Variants in ADCY9 observed in about 807,000 individuals in gnomAD.
ADCY9 encodes the protein adenylate cyclase type 9.
Under a neutral mutation model 101.5 loss-of-function variants are expected in ADCY9, and 50 were observed. The ratio of observed to expected loss-of-function variants is 0.49; its 90% CI spans 0.39 to 0.62. The LOEUF (loss-of-function observed/expected upper bound fraction) is 0.62. Ranked by LOEUF, ADCY9 falls within the 20% of genes least tolerant of loss-of-function variation. The pLI is 0.00. For synonymous variants in ADCY9, 905 were observed against 769.3 expected, an observed-to-expected ratio of 1.18 and a Z score of -2.92; for missense variants, 1,662 against 1,800.4, an observed-to-expected ratio of 0.92 and a Z score of 1.39.
Position 3,992,031 on chromosome 16 carries a change from A to C in ADCY9, c.2207+115T>G. ...GGCTGCAGTGAGCCAAGATCGCGCC[A>C]CTGCACTGCAGCCTGGATGACAGAG... is the stretch of plus-strand genomic sequence containing the variant. On this transcript the variant is annotated intron_variant, in intron 5 of 10. Coordinates refer to ENST00000294016, the MANE Select transcript of ADCY9 (RefSeq NM_001116.4). This position sits in a 1 kb window ranked among gnomAD's most constrained non-coding sequence, Gnocchi z 4.2. 9.9e-7 allele frequency: 1 copy of C among 1,010,956 alleles called. No homozygotes were observed. The highest frequency in any genetic ancestry group is 1.5e-6 in the Non-Finnish European group (1 of 687,700). The allele number at this position is 1,010,956 out of a possible 1,614,324, so 62.6% of individuals were successfully genotyped here. A position where few individuals can be genotyped will look rare whatever the true frequency, so the allele number is the denominator to read the frequency against.
At chr16:4,001,613 A>G (rs1294868407) in intron 3 of ADCY9, among the ~76,000 whole-genome samples, 1 of 152,048 alleles carries the variant, frequency 6.6e-6, no homozygotes, top group Non-Finnish European at 1.5e-5. Flanking sequence ...CAATGGTGCA[A>G]TCTTGGCTCA....
chr16:4,045,996 C>T (rs1165043103), intron 2 of ADCY9, among the ~76,000 whole-genome samples: 1 of 151,550 alleles, frequency 6.6e-6, no homozygotes, highest in East Asian at 1.9e-4. Flanking sequence ...AGTTGCATAC[C>T]ACCACACCTG....
intron 2 of ADCY9, among the ~76,000 whole-genome samples, chr16:4,076,660 TAGAC>T (rs3216335): frequency 0.33 from 50,225 of 151,738 alleles, 8,708 homozygotes; most frequent in East Asian, 0.51. Context: ...CGCTAGAAGA[TAGAC>T]GCACTGACAA....
At chr16:4,065,849 G>A (rs991702134) in intron 2 of ADCY9, among the ~76,000 whole-genome samples, 9 of 152,080 alleles carry the variant, frequency 5.9e-5, no homozygotes, top group African/African-American at 1.9e-4. Context: ...GATTACAGGC[G>A]CCCACTGCCA....
At chr16:3,983,150 C>G (rs2056158833) in intron 7 of ADCY9, 82 bp downstream of exon 7, 1 of 1,335,310 alleles carries the variant, frequency 7.5e-7, no homozygotes, top group South Asian at 1.4e-5. Context: ...GGGGACCAGT[C>G]CAACCGCTCA....
intron 2 of ADCY9, among the ~76,000 whole-genome samples, chr16:4,107,832 A>G (rs2057087704): frequency 6.6e-6 from 1 of 152,098 alleles, no homozygotes; most frequent in Admixed American, 6.6e-5. Context: ...GCAGAGGCTA[A>G]CGCATACAGA....
chr16:3,966,759 G>T lies in ADCY9; in HGVS notation c.3078C>A (p.Asp1026Glu). ...TGTTCCTCAGCAGCCAGTCTGCCTG[G>T]TCCCGCATGCTCTGGATCTTGGTGC... ...LHRTKIQSMR[D>E]QADWLLRNII... The change falls in exon 11 of 11, where the codon GAC (aspartate) becomes GAA (glutamate). Residue 1026 changes from aspartate (D) to glutamate (E), a missense_variant. Around this residue, in one of 5 missense-constraint regions of ADCY9, gnomAD observed 220 missense variants for 312.9 expected, o/e 0.70. Coordinates refer to ENST00000294016, the MANE Select transcript of ADCY9 (RefSeq NM_001116.4). 6.2e-7 allele frequency: 1 copy of T among 1,614,208 alleles called. No individual in the cohort carries two copies. The highest frequency in any genetic ancestry group is 8.5e-7 in the Non-Finnish European group (1 of 1,180,038).
intron 10 of ADCY9, among the ~76,000 whole-genome samples, chr16:3,967,969 G>A (rs1456727805): frequency 6.6e-6 from 1 of 152,110 alleles, no homozygotes; most frequent in Admixed American, 6.6e-5. Flanking sequence ...GGGATTACAG[G>A]TGTGAGCCAC....
At chr16:4,105,878 C>T (rs1253563988) in intron 2 of ADCY9, among the ~76,000 whole-genome samples, 3 of 152,008 alleles carry the variant, frequency 2.0e-5, no homozygotes, top group African/African-American at 7.3e-5. Context: ...ACAGAAACAA[C>T]AATTTCTACT....
At chr16:4,090,857 G>A (rs966063302) in intron 2 of ADCY9, among the ~76,000 whole-genome samples, 2 of 151,838 alleles carry the variant, frequency 1.3e-5, no homozygotes, top group Non-Finnish European at 2.9e-5. Flanking sequence ...TATAAAAAGA[G>A]TCTCTAGGCT....
chr16:4,083,388 G>A (rs1427420588), intron 2 of ADCY9, among the ~76,000 whole-genome samples: 1 of 152,066 alleles, frequency 6.6e-6, no homozygotes, highest in African/African-American at 2.4e-5. Flanking sequence ...GGGGAAATCA[G>A]GGCCCGCACA....
At chr16:3,958,061 G>C (rs79077611), downstream of ADCY9, among the ~76,000 whole-genome samples, 3,231 of 152,234 alleles carry the variant, frequency 0.021, 98 homozygotes, top group African/African-American at 0.072. Context: ...CCAGGGCTGG[G>C]GGGGATTGGC....
intron 2 of ADCY9, among the ~76,000 whole-genome samples, chr16:4,038,658 G>A (rs900248954): frequency 5.9e-5 from 9 of 152,078 alleles, no homozygotes; most frequent in Non-Finnish European, 1.0e-4. Context: ...TGAGAAAAGA[G>A]GAACAGAGTA....
At position 3,969,612 on chromosome 16, in the gene ADCY9, ATTT is replaced by A. The variant is rs58096084; in HGVS notation, c.2871-2649_2871-2647del. 3.0e-3 allele frequency among the ~76,000 whole-genome samples: 215 copies of A among 70,868 alleles called. 18 individuals carry two copies. Among genetic ancestry groups the A allele is most frequent in the African/African-American group, 0.013 (201 of 15,888 alleles). 46.5% of individuals were successfully genotyped at this position (70,868 alleles called of 152,430 possible). On this transcript the variant is annotated intron_variant, in intron 10 of 10. Transcript: ENST00000294016. The stretch of plus-strand genomic sequence containing the variant: ...TATATATATATATATATATATATGT[ATTT>A]TTTTTTTTTTTTAAGAAGAGACAGG...
intron 4 of ADCY9, 157 bp downstream of exon 4, chr16:3,993,249 G>T: frequency 7.5e-7 from 1 of 1,338,484 alleles, no homozygotes; most frequent in Non-Finnish European, 1.0e-6. Context: ...CGAGCTCCCT[G>T]CCGGTCTCTT....
In ADCY9 at chr16:4,116,032, CGGCCGCCCCCCGCGCTCCG is replaced by C. The variant is rs2057150297; in HGVS notation, c.-405_-387del. The C allele has an allele frequency of 2.0e-5, 3 of 147,534 alleles. No individual in the cohort carries two copies. The highest frequency in any genetic ancestry group is 7.3e-5 in the African/African-American group (3 of 40,828). The allele number at this position is 147,534 out of a possible 1,614,324, so 9.1% of individuals were successfully genotyped here. A position where few individuals can be genotyped will look rare whatever the true frequency, so the allele number is the denominator to read the frequency against. ...GCGGGCGCCCCCGGCTCGCGCTCCCCGGCCGCCCCCCGCGCTCCGGGCCGGCCCTGCCCGCGGCGGCGGG... is the reference window on the plus strand; with the variant it reads ...GCGGGCGCCCCCGGCTCGCGCTCCCCGGCCGGCCCTGCCCGCGGCGGCGGG... On this transcript the variant is annotated 5_prime_UTR_variant, in exon 1 of 11. Transcript: ENST00000294016.
At chr16:4,018,822 A>G (rs1004238596) in intron 2 of ADCY9, among the ~76,000 whole-genome samples, 2 of 152,182 alleles carry the variant, frequency 1.3e-5, no homozygotes, top group African/African-American at 4.8e-5. Context: ...GGAGAAACCC[A>G]AAAACCTCCA....
intron 2 of ADCY9, among the ~76,000 whole-genome samples, chr16:4,108,591 C>G (rs1328961921): frequency 6.6e-6 from 1 of 151,842 alleles, no homozygotes; most frequent in African/African-American, 2.4e-5. Context: ...TCAGGCTGGT[C>G]TCAAACTCCT....
In ADCY9 at chr16:3,988,924, T is replaced by C. The variant is rs2056220839; in HGVS notation, c.2310+70A>G. ...CCCATCCCTTGGTAAAGCACAAAAC[T>C]AACAGTGAATGACCATGTGAGAACA... On this transcript the variant is annotated intron_variant, in intron 6 of 10. Transcript: ENST00000294016. 5 of 1,242,840 alleles carry C rather than the reference T, an allele frequency of 4.0e-6. No individual in the cohort carries two copies. The Admixed American group carries it at 6.9e-5, about 17-fold the overall frequency. The allele number at this position is 1,242,840 out of a possible 1,614,324, so 77.0% of individuals were successfully genotyped here.
Sources: allele counts gnomAD v4.1 joint callset (sites outside exome capture counted in the v4.1 genomes callset), GRCh38; gene constraint gnomAD v4.1.1; regional missense constraint gnomAD v4.1.1; non-coding constraint Gnocchi (gnomAD v3.1); transcripts MANE v1.5; gene names NCBI Gene and HGNC (gene_info 2026-07-23, HGNC 2026-07-21).